MAPKAP1: variants seen among roughly 807,000 people sequenced by gnomAD.
MAPKAP1 encodes MAPK associated protein 1.
Under a neutral mutation model 65.7 loss-of-function variants are expected in MAPKAP1, and 20 were observed. The observed-to-expected ratio is 0.30, with a 90% CI of 0.21 to 0.44. MAPKAP1 has a LOEUF of 0.44. MAPKAP1 is among the 20% of genes least tolerant of loss of function. The pLI, the probability that MAPKAP1 is intolerant of heterozygous loss-of-function variation, is 1.00. For synonymous variants in MAPKAP1, 222 were observed against 244.3 expected, an observed-to-expected ratio of 0.91 and a Z score of 0.85; for missense variants, 423 against 648.0, an observed-to-expected ratio of 0.65 and a Z score of 3.77.
chr9:125,493,729 C>T (rs530692820), intron 8 of MAPKAP1, among the ~76,000 whole-genome samples: 5 of 152,382 alleles, frequency 3.3e-5, no homozygotes, highest in South Asian at 2.1e-4. Flanking sequence ...AAGTGCTTAA[C>T]GCATGCCAGC....
At chr9:125,451,097 T>G (rs936907366) in intron 10 of MAPKAP1, 1 of 152,274 alleles carries the variant, frequency 6.6e-6, no homozygotes, top group Non-Finnish European at 1.5e-5. Flanking sequence ...CTCTCTCTCT[T>G]TGGCTCCTTC....
At chr9:125,606,875 G>A (rs756673893) in intron 4 of MAPKAP1, among the ~76,000 whole-genome samples, 28 of 152,294 alleles carry the variant, frequency 1.8e-4, no homozygotes, top group South Asian at 8.3e-4. Context: ...GGGGCATGGA[G>A]CTAGGGGAGG....
chr9:125,576,299 A>G (rs1271037858), intron 5 of MAPKAP1, among the ~76,000 whole-genome samples: 2 of 152,222 alleles, frequency 1.3e-5, no homozygotes, highest in African/African-American at 4.8e-5. Context: ...TGTTAATAAT[A>G]TTGGTTCATC....
At chr9:125,574,954 C>T (rs1025167029) in intron 5 of MAPKAP1, among the ~76,000 whole-genome samples, 1 of 152,182 alleles carries the variant, frequency 6.6e-6, no homozygotes, top group Admixed American at 6.5e-5. Flanking sequence ...TAAAACCCAG[C>T]CTGTAGCTGT....
intron 7 of MAPKAP1, among the ~76,000 whole-genome samples, chr9:125,531,031 G>A (rs991543982): frequency 2.0e-5 from 3 of 152,230 alleles, no homozygotes; most frequent in African/African-American, 7.2e-5. Flanking sequence ...AGGGGCTGAT[G>A]ACTTCCCTAA....
intron 5 of MAPKAP1, among the ~76,000 whole-genome samples, chr9:125,565,895 T>G (rs1831039084): frequency 6.6e-6 from 1 of 152,132 alleles, no homozygotes; most frequent in Non-Finnish European, 1.5e-5. Context: ...AGCAGTGTGG[T>G]GACTAGCAAT....
intron 5 of MAPKAP1, among the ~76,000 whole-genome samples, chr9:125,582,913 G>A (rs1831667773): frequency 6.6e-6 from 1 of 152,178 alleles, no homozygotes. Flanking sequence ...GATTGGCTGA[G>A]GGCTCTGATC....
At chr9:125,652,114 G>C in intron 4 of MAPKAP1, 1 of 1,282,824 alleles carries the variant, frequency 7.8e-7, no homozygotes, top group Non-Finnish European at 1.0e-6. Flanking sequence ...TCAATTCGCT[G>C]ACCTTTTCTG....
At chr9:125,702,992 T>C (rs1053099140) in intron 1 of MAPKAP1, among the ~76,000 whole-genome samples, 1 of 152,182 alleles carries the variant, frequency 6.6e-6, no homozygotes, top group African/African-American at 2.4e-5. Flanking sequence ...AACTGCACTC[T>C]AGCCTGATAG....
intron 7 of MAPKAP1, among the ~76,000 whole-genome samples, chr9:125,526,847 C>T (rs1199376161): frequency 7.3e-6 from 1 of 136,648 alleles, no homozygotes; most frequent in African/African-American, 2.7e-5. Flanking sequence ...GCAATCTCAG[C>T]TCACTGCAAC....
At chr9:125,583,025 AAAAT>A (rs1831670889) in intron 5 of MAPKAP1, among the ~76,000 whole-genome samples, 1 of 152,178 alleles carries the variant, frequency 6.6e-6, no homozygotes, top group Non-Finnish European at 1.5e-5. Flanking sequence ...GTAATACCCT[AAAAT>A]AATGGACTCC....
intron 1 of MAPKAP1, among the ~76,000 whole-genome samples, chr9:125,705,750 A>G (rs1835738137): frequency 6.6e-6 from 1 of 152,218 alleles, no homozygotes; most frequent in Non-Finnish European, 1.5e-5. Context: ...AGGCCAACTC[A>G]GCTGAGCCGT....
intron 6 of MAPKAP1, among the ~76,000 whole-genome samples, chr9:125,546,892 G>A (rs1470138364): frequency 2.0e-5 from 3 of 152,100 alleles, no homozygotes; most frequent in Non-Finnish European, 4.4e-5. Flanking sequence ...TCGCCTCAGG[G>A]ACAGACAACC....
chr9:125,470,437 C>T (rs1043299189), intron 9 of MAPKAP1, among the ~76,000 whole-genome samples: 1 of 152,220 alleles, frequency 6.6e-6, no homozygotes, highest in African/African-American at 2.4e-5. Context: ...CTCCCCATTG[C>T]ATCAATCTTT....
chr9:125,486,801 C>A (rs1338533398), intron 8 of MAPKAP1, among the ~76,000 whole-genome samples: 3 of 152,054 alleles, frequency 2.0e-5, no homozygotes, highest in African/African-American at 7.3e-5. Context: ...CCCTTCTCCC[C>A]ATCTCATTCT....
At chr9:125,637,857 A>G (rs1433799288) in intron 4 of MAPKAP1, among the ~76,000 whole-genome samples, 4 of 152,154 alleles carry the variant, frequency 2.6e-5, no homozygotes, top group Non-Finnish European at 5.9e-5. Flanking sequence ...ACTGCAGCCT[A>G]TGCCTCCCAG....
chr9:125,547,128 T>C (rs1830448658), intron 6 of MAPKAP1, among the ~76,000 whole-genome samples: 1 of 151,906 alleles, frequency 6.6e-6, no homozygotes, highest in African/African-American at 2.4e-5. Context: ...GCTTGAGGAG[T>C]TCAGCTCCGT....
At chr9:125,459,158 G>A (rs1235477149) in intron 10 of MAPKAP1, among the ~76,000 whole-genome samples, 2 of 141,930 alleles carry the variant, frequency 1.4e-5, no homozygotes, top group South Asian at 2.3e-4. Flanking sequence ...GGGCAGAGGC[G>A]CTCCTCACAT....
chr9:125,532,237 T>G (rs1469974077), intron 7 of MAPKAP1, among the ~76,000 whole-genome samples: 1 of 152,196 alleles, frequency 6.6e-6, no homozygotes, highest in Non-Finnish European at 1.5e-5. Flanking sequence ...ATCTCCTTGG[T>G]TTTCTACCAC....
Sources: allele counts gnomAD v4.1 joint callset (sites outside exome capture counted in the v4.1 genomes callset), GRCh38; gene constraint gnomAD v4.1.1; transcripts MANE v1.5; gene names NCBI Gene and HGNC (gene_info 2026-07-23, HGNC 2026-07-21).